THEMIS: variants seen among roughly 807,000 people sequenced by gnomAD.
The protein encoded by THEMIS is thymocyte selection associated.
A neutral mutation model predicts 52.6 loss-of-function variants in THEMIS; 37 were observed. The observed-to-expected ratio is 0.70, with a 90% CI of 0.54 to 0.93. THEMIS has a LOEUF of 0.93. THEMIS is among the 40% of genes least tolerant of loss of function. The pLI, the probability that THEMIS is intolerant of heterozygous loss-of-function variation, is 0.00. For missense variants in THEMIS, 808 were observed against 763.1 expected (o/e 1.06, Z -0.69); for synonymous variants, 292 against 272.7 (o/e 1.07, Z -0.70).
At chr6:127,899,185 G>A (rs1781060269) in intron 1 of THEMIS, among the ~76,000 whole-genome samples, 2 of 151,764 alleles carry the variant, frequency 1.3e-5, no homozygotes, top group South Asian at 4.1e-4. Context: ...CCATTACTCT[G>A]ACTTGATTAT....
At position 127,868,034 on chromosome 6, in the gene THEMIS, T is replaced by A. The variant is rs9482844; in HGVS notation, c.92-12846A>T. On this transcript the variant is annotated intron_variant, in intron 1 of 5. Coordinates refer to ENST00000368248, the MANE Select transcript of THEMIS (RefSeq NM_001010923.3). ...TCTACAGTCAAGTTCAAATCCAGAA[T>A]CTCCATTTAATAGATTTGTGACCTC... Among the ~76,000 whole-genome samples the A allele has an allele frequency of 1.8e-3, 271 of 152,178 alleles. 4 individuals are homozygous for A. The highest frequency in any genetic ancestry group is 5.9e-3 in the African/African-American group (247 of 41,550).
At chr6:127,911,834 G>T (rs1376746798) in intron 1 of THEMIS, among the ~76,000 whole-genome samples, 1 of 151,660 alleles carries the variant, frequency 6.6e-6, no homozygotes, top group Non-Finnish European at 1.5e-5. Flanking sequence ...CCCCCACACA[G>T]AGTCCCCACT....
intron 4 of THEMIS, among the ~76,000 whole-genome samples, chr6:127,769,742 T>G (rs1471066306): frequency 6.6e-6 from 1 of 152,082 alleles, no homozygotes; most frequent in Non-Finnish European, 1.5e-5. Flanking sequence ...AAGCTGTCAT[T>G]TGCATTAGGT....
chr6:127,720,239 T>C (rs928638652), intron 4 of THEMIS, among the ~76,000 whole-genome samples: 2 of 151,982 alleles, frequency 1.3e-5, no homozygotes, highest in African/African-American at 4.8e-5. Flanking sequence ...CTGTACTCTT[T>C]ATATAAAACA....
At chr6:127,785,295 G>GTCTT (rs982162146) in intron 4 of THEMIS, among the ~76,000 whole-genome samples, 1 of 147,484 alleles carries the variant, frequency 6.8e-6, no homozygotes, top group African/African-American at 2.5e-5. Flanking sequence ...CTATCTATCT[G>GTCTT]TCTTTCTATC....
At chr6:127,717,068 C>A (rs563677353) in intron 5 of THEMIS, among the ~76,000 whole-genome samples, 1 of 151,844 alleles carries the variant, frequency 6.6e-6, no homozygotes, top group African/African-American at 2.4e-5. Flanking sequence ...ATTTACAGAG[C>A]GTATCATAGG....
intron 1 of THEMIS, among the ~76,000 whole-genome samples, chr6:127,855,882 C>T (rs751180368): frequency 3.5e-4 from 53 of 151,770 alleles, no homozygotes; most frequent in Non-Finnish European, 6.8e-4. Flanking sequence ...TTTAATATTC[C>T]CTGATGGAAG....
chr6:127,791,984 G>T (rs1217533864), intron 4 of THEMIS, among the ~76,000 whole-genome samples: 2 of 152,186 alleles, frequency 1.3e-5, no homozygotes, highest in Non-Finnish European at 2.9e-5. Context: ...CCCTGAGAGT[G>T]CAGTGATGCC....
At chr6:127,702,706 A>G in the THEMIS span, among the ~76,000 whole-genome samples, 1 of 152,054 alleles carries the variant, frequency 6.6e-6, no homozygotes, top group African/African-American at 2.4e-5. Context: ...GGCAAGTTAC[A>G]AAAGAAAGTG....
chr6:127,741,732 A>T (rs1775208967), intron 4 of THEMIS, among the ~76,000 whole-genome samples: 1 of 152,258 alleles, frequency 6.6e-6, no homozygotes, highest in Non-Finnish European at 1.5e-5. Flanking sequence ...TCTGCAATAT[A>T]AGAGTAACAG....
At chr6:127,753,639 C>A (rs1583234681) in intron 4 of THEMIS, among the ~76,000 whole-genome samples, 1 of 151,850 alleles carries the variant, frequency 6.6e-6, no homozygotes, top group Non-Finnish European at 1.5e-5. Context: ...AAAGCTAAAT[C>A]AATCTTGTAA....
chr6:127,821,515 T>C (rs888392889), intron 3 of THEMIS, among the ~76,000 whole-genome samples: 5 of 152,132 alleles, frequency 3.3e-5, no homozygotes, highest in African/African-American at 1.2e-4. Flanking sequence ...GTTTTCTTGT[T>C]ATCCAAAGGG....
At chr6:127,749,597 T>C (rs1403248206) in intron 4 of THEMIS, among the ~76,000 whole-genome samples, 2 of 151,920 alleles carry the variant, frequency 1.3e-5, no homozygotes, top group African/African-American at 4.8e-5. Flanking sequence ...AAGTCTGAAA[T>C]AGATGCTATG....
At chr6:127,793,570 A>T (rs1460974720) in intron 4 of THEMIS, among the ~76,000 whole-genome samples, 1 of 152,200 alleles carries the variant, frequency 6.6e-6, no homozygotes, top group African/African-American at 2.4e-5. Context: ...GGACAAAGAA[A>T]CAGGGAATGC....
chr6:127,729,378 T>C (rs918823204), intron 4 of THEMIS, among the ~76,000 whole-genome samples: 3 of 152,172 alleles, frequency 2.0e-5, no homozygotes, highest in African/African-American at 2.4e-5. Flanking sequence ...CTATGGAAGA[T>C]ATTTCAAGCC....
chr6:127,719,211 G>T (rs556752185), intron 5 of THEMIS, among the ~76,000 whole-genome samples: 1 of 151,808 alleles, frequency 6.6e-6, no homozygotes, highest in Non-Finnish European at 1.5e-5. Context: ...CCACAAGTCC[G>T]TTTGCTTTTG....
chr6:127,769,342 G>GTT (rs201005568), intron 4 of THEMIS, among the ~76,000 whole-genome samples: 295 of 142,788 alleles, frequency 2.1e-3, no homozygotes, highest in African/African-American at 7.1e-3. Context: ...AAATAGACCA[G>GTT]TTTTTTTTTG....
intron 4 of THEMIS, among the ~76,000 whole-genome samples, chr6:127,809,943 T>C (rs1777844674): frequency 6.6e-6 from 1 of 151,386 alleles, no homozygotes; most frequent in Non-Finnish European, 1.5e-5. Context: ...AACAGCTCCT[T>C]ACAAACTCCA....
intron 2 of THEMIS, among the ~76,000 whole-genome samples, chr6:127,834,173 G>C (rs866448867): frequency 6.6e-6 from 1 of 152,072 alleles, no homozygotes; most frequent in Non-Finnish European, 1.5e-5. Flanking sequence ...CTGAGTATTT[G>C]GGAGGGCAGA....
Sources: gnomAD v4.1 joint callset for allele counts (sites outside exome capture counted in the v4.1 genomes callset) on GRCh38, gnomAD v4.1.1 for gene constraint, MANE v1.5 for transcripts, NCBI Gene and HGNC (gene_info 2026-07-23, HGNC 2026-07-21) for gene names.